The following FRMD4A variants were observed in gnomAD, a reference collection of about 807,000 sequenced individuals.
FRMD4A encodes the protein FERM domain containing 4A.
In FRMD4A, 29 loss-of-function variants were observed where a neutral mutation model predicts 129.1. The ratio of observed to expected loss-of-function variants is 0.22; its 90% CI spans 0.17 to 0.31. The LOEUF is 0.31. FRMD4A is among the 10% of genes least tolerant of loss of function. The pLI is 1.00. For synonymous variants in FRMD4A, 634 were observed against 571.6 expected, an observed-to-expected ratio of 1.11 and a Z score of -1.56; for missense variants, 1,272 against 1,375.8, an observed-to-expected ratio of 0.92 and a Z score of 1.19.
chr10:13,713,846 TA>T (rs1242822656), intron 12 of FRMD4A, among the ~76,000 whole-genome samples: 5 of 7,668 alleles, frequency 6.5e-4, no homozygotes, highest in Non-Finnish European at 9.6e-4. Flanking sequence ...GTAATATATA[TA>T]CACATATATA....
chr10:14,177,224 G>A (rs1250773478), intron 2 of FRMD4A, among the ~76,000 whole-genome samples: 4 of 151,928 alleles, frequency 2.6e-5, no homozygotes, highest in Admixed American at 6.6e-5. Flanking sequence ...TTGAGACAAA[G>A]TATCGCTCTG....
At chr10:14,294,139 C>T (rs1845935044) in intron 2 of FRMD4A, among the ~76,000 whole-genome samples, 1 of 152,130 alleles carries the variant, frequency 6.6e-6, no homozygotes, top group African/African-American at 2.4e-5. Context: ...TCCTAAGTGC[C>T]ACTAATGTTG....
chr10:14,001,445 G>C (rs554653563), intron 2 of FRMD4A, among the ~76,000 whole-genome samples: 8 of 152,176 alleles, frequency 5.3e-5, no homozygotes, highest in Admixed American at 1.3e-4. Context: ...CTGACCATTT[G>C]CATAGATATT....
At chr10:13,846,229 A>G (rs1040256533) in intron 3 of FRMD4A, among the ~76,000 whole-genome samples, 2 of 152,260 alleles carry the variant, frequency 1.3e-5, no homozygotes, top group South Asian at 4.1e-4. Context: ...GGTTCAATCT[A>G]TTAGGTTGGT....
chr10:13,812,970 G>A (rs757694322), intron 3 of FRMD4A, among the ~76,000 whole-genome samples: 15 of 152,368 alleles, frequency 9.8e-5, no homozygotes, highest in Non-Finnish European at 8.8e-5. Flanking sequence ...CATCTCAGAA[G>A]GTCGCTGATG....
intron 2 of FRMD4A, among the ~76,000 whole-genome samples, chr10:14,255,801 T>C (rs747141377): frequency 6.7e-6 from 1 of 150,272 alleles, no homozygotes; most frequent in Admixed American, 6.6e-5. Context: ...AGGTCAAGAG[T>C]TCAAGACCAG....
At chr10:13,847,007 G>A (rs1341283819) in intron 3 of FRMD4A, among the ~76,000 whole-genome samples, 1 of 152,196 alleles carries the variant, frequency 6.6e-6, no homozygotes, top group East Asian at 1.9e-4. Context: ...AAGGAAAGTT[G>A]TTCCCTTACC....
intron 2 of FRMD4A, among the ~76,000 whole-genome samples, chr10:14,266,336 C>T (rs1185495091): frequency 6.6e-6 from 1 of 152,184 alleles, no homozygotes. Flanking sequence ...TTAAGAACCA[C>T]TGTTTATCCC....
intron 10 of FRMD4A, 57 bp downstream of exon 10, chr10:13,740,455 C>T (rs1191107114): frequency 8.8e-6 from 9 of 1,026,214 alleles, no homozygotes; most frequent in East Asian, 2.4e-5. Flanking sequence ...TCCTGACATA[C>T]GATATATTAA....
rs191402554 is a variant in FRMD4A at position 14,210,330 on chromosome 10, C to G, written c.45+119728G>C. On this transcript the variant is annotated intron_variant, in intron 2 of 24. Coordinates refer to ENST00000357447, the MANE Select transcript of FRMD4A (RefSeq NM_018027.5). ...AAGTGAGACCCAGGCACCAAATCTGCTGGCGCCTTGGTCTTGGACTTCCCA... is the reference window on the plus strand; with the variant it reads ...AAGTGAGACCCAGGCACCAAATCTGGTGGCGCCTTGGTCTTGGACTTCCCA... 2.1e-3 allele frequency among the ~76,000 whole-genome samples: 314 copies of G among 152,302 alleles called. 1 individual carries two copies. Among genetic ancestry groups the G allele is most frequent in the Non-Finnish European group, 2.9e-3 (194 of 68,022 alleles).
Position 13,884,110 on chromosome 10 carries a change from A to ACACACACACACACT in FRMD4A, c.46-25199_46-25198insAGTGTGTGTGTGTG, listed in dbSNP as rs138013265. Among the ~76,000 whole-genome samples the ACACACACACACACT allele has an allele frequency of 1.1e-3, 111 of 99,246 alleles. 6 individuals carry two copies. The South Asian group carries it at 0.017, about 15-fold the overall frequency. 65.1% of individuals were successfully genotyped at this position (99,246 alleles called of 152,430 possible). ...TTGATGCAATGGAAAAGAAACACACACACACACACACTCACACACACGCTC... is the reference window on the plus strand; with the variant it reads ...TTGATGCAATGGAAAAGAAACACACACACACACACACACTCACACACACACTCACACACACGCTC... On this transcript the variant is annotated intron_variant, in intron 2 of 24. Transcript: ENST00000357447.
chr10:13,849,585 A>T lies in FRMD4A; in HGVS notation c.111+9262T>A, dbSNP rs1274664017. ...AACCTCCATCTCCCACGTTCAAGGG[A>T]TTCTCCTGCCTCAGCCTCCCGAGTA... On this transcript the variant is annotated intron_variant, in intron 3 of 24. Transcript: ENST00000357447. Among the ~76,000 whole-genome samples the T allele has an allele frequency of 2.0e-5, 3 of 149,858 alleles. No homozygotes were observed. In the Admixed American group the frequency reaches 2.0e-4, roughly 10 times the overall value.
At chr10:14,242,774 G>C (rs1282909147) in intron 2 of FRMD4A, among the ~76,000 whole-genome samples, 1 of 152,212 alleles carries the variant, frequency 6.6e-6, no homozygotes, top group East Asian at 1.9e-4. Flanking sequence ...AGAAGTCAAA[G>C]AGATTGCTGG....
At chr10:14,008,440 G>A in intron 2 of FRMD4A, 1 of 1,005,410 alleles carries the variant, frequency 9.9e-7, no homozygotes. Flanking sequence ...CTGCACAGCT[G>A]GCTCAGCGAG....
rs755115266 is a variant in FRMD4A at position 13,734,831 on chromosome 10, CTTCTTTTTCTATTTATTTATTTAT to C, written c.759+2989_759+3012del. ...AGGTATGCAATAACTTTTTTTTCTTCTTCTTTTTCTATTTATTTATTTATTTATTTATTTATTTATTTATTTATT... is the reference window on the plus strand; with the variant it reads ...AGGTATGCAATAACTTTTTTTTCTTCTTATTTATTTATTTATTTATTTATT... On this transcript the variant is annotated intron_variant, in intron 12 of 24. Transcript: ENST00000357447. Among the ~76,000 whole-genome samples the C allele has an allele frequency of 7.7e-3, 1,149 of 150,014 alleles. 40 individuals are homozygous for C. The South Asian group carries it at 0.089, about 12-fold the overall frequency.
intron 2 of FRMD4A, among the ~76,000 whole-genome samples, chr10:13,908,177 A>AC (rs1443814063): frequency 3.3e-5 from 5 of 150,846 alleles, no homozygotes; most frequent in African/African-American, 1.2e-4. Context: ...AAAAAAAAAA[A>AC]AAAAAAAAAA....
At chr10:13,811,615 A>G (rs573128077) in intron 3 of FRMD4A, among the ~76,000 whole-genome samples, 2 of 151,632 alleles carry the variant, frequency 1.3e-5, no homozygotes, top group African/African-American at 4.8e-5. Flanking sequence ...GAAGCACACC[A>G]GAGCGTTAGG....
intron 2 of FRMD4A, among the ~76,000 whole-genome samples, chr10:13,860,307 A>G (rs2094276742): frequency 1.3e-5 from 2 of 152,328 alleles, no homozygotes; most frequent in South Asian, 4.1e-4. Flanking sequence ...ATAGATTTTT[A>G]TTATCTTTGT....
rs113839297 is a variant in FRMD4A, at chr10:13,905,338, T to C, written c.46-46426A>G. ...TATGAATTGTTTTCATGTTGGCTCT[T>C]AGAGATCTAAGGTTCTTCCTTTGTT... On this transcript the variant is annotated intron_variant, in intron 2 of 24. Transcript: ENST00000357447. Among the ~76,000 whole-genome samples, 995 of 152,350 alleles carry C rather than the reference T, an allele frequency of 6.5e-3. 21 individuals carry two copies. The highest frequency in any genetic ancestry group is 0.023 in the African/African-American group (952 of 41,584).
Sources: gnomAD v4.1 joint callset for allele counts (sites outside exome capture counted in the v4.1 genomes callset) on GRCh38, gnomAD v4.1.1 for gene constraint, MANE v1.5 for transcripts, NCBI Gene and HGNC (gene_info 2026-07-23, HGNC 2026-07-21) for gene names.